Variants in USP3 observed in about 807,000 individuals in gnomAD.
USP3 encodes ubiquitin carboxyl-terminal hydrolase 3.
A neutral mutation model predicts 72.3 loss-of-function variants in USP3; 20 were observed. The observed-to-expected ratio is 0.28, with a 90% CI of 0.19 to 0.40. The LOEUF (loss-of-function observed/expected upper bound fraction) is 0.40, where lower values mean the gene tolerates loss of function less well. USP3 is among the 10% of genes least tolerant of loss of function. The pLI, the probability that USP3 is intolerant of heterozygous loss-of-function variation, is 1.00. For synonymous variants in USP3, 222 were observed against 225.3 expected (o/e 0.99, Z 0.13); for missense variants, 479 against 633.9 (o/e 0.76, Z 2.62).
intron 8 of USP3, among the ~76,000 whole-genome samples, chr15:63,563,584 A>G (rs1206546096): frequency 1.3e-5 from 2 of 152,180 alleles, no homozygotes; most frequent in Non-Finnish European, 2.9e-5. Flanking sequence ...TAGCTGTCAG[A>G]GGAATCCTGC....
At chr15:63,504,897 A>T in intron 1 of USP3, 67 bp downstream of exon 1, 1 of 1,228,320 alleles carries the variant, frequency 8.1e-7, no homozygotes, top group Non-Finnish European at 1.0e-6. Flanking sequence ...CCTGCCGTCT[A>T]GGGGCCGCAG....
At chr15:63,517,610 A>AT (rs1186385414) in intron 1 of USP3, among the ~76,000 whole-genome samples, 1 of 152,158 alleles carries the variant, frequency 6.6e-6, no homozygotes, top group Non-Finnish European at 1.5e-5. Context: ...GAAGACACTC[A>AT]TATCTGTGCT....
Position 63,541,191 on chromosome 15 carries a change from T to C in USP3, c.284+4035T>C, listed in dbSNP as rs556265991. ...AAGTATATTCCTTCAGGGCAGGTAA[T>C]GTTTTAAAGCATCCTTTCAAATGAA... On this transcript the variant is annotated intron_variant, in intron 3 of 14. Transcript: ENST00000380324. 4.7e-4 allele frequency among the ~76,000 whole-genome samples: 72 copies of C among 152,282 alleles called. No homozygotes were observed. The South Asian group carries it at 7.9e-3, about 17-fold the overall frequency.
At chr15:63,563,557 C>T (rs946144710) in intron 8 of USP3, among the ~76,000 whole-genome samples, 7 of 151,600 alleles carry the variant, frequency 4.6e-5, no homozygotes, top group African/African-American at 1.7e-4. Flanking sequence ...GAGCAAAATA[C>T]ACCTCTGCTG....
intron 11 of USP3, among the ~76,000 whole-genome samples, chr15:63,579,990 T>C (rs796737941): frequency 2.0e-5 from 3 of 152,292 alleles, no homozygotes; most frequent in African/African-American, 7.2e-5. Context: ...TTAATAGGCA[T>C]TTCCTTAGAC....
In USP3 at chr15:63,562,922, A is replaced by C; in HGVS notation, c.675A>C (p.Thr225=). 1 of 1,612,156 alleles carries C rather than the reference A, an allele frequency of 6.2e-7. No homozygotes were observed. Residue 225 remains threonine (T), a synonymous_variant, in exon 8 of 15, where the codon ACA becomes ACC. Transcript: ENST00000380324. ...CTTTGGTAGAAGAGTTTAGAAAGAC[A>C]CTCTGTGCTTTATGGCAAGGCAGCC... is the stretch of plus-strand genomic sequence containing the variant. The part of the protein sequence containing the change: ...NVSLVEEFRK[T]LCALWQGSQT...
Position 63,528,347 on chromosome 15 carries a change from C to T in USP3, c.92-4300C>T, listed in dbSNP as rs2066016085. Among the ~76,000 whole-genome samples the T allele has an allele frequency of 6.6e-6, 1 of 152,184 alleles. No individual in the cohort carries two copies. The highest frequency in any genetic ancestry group is 2.1e-4 in the South Asian group (1 of 4,830). On this transcript the variant is annotated intron_variant, in intron 1 of 14. Coordinates refer to ENST00000380324, the MANE Select transcript of USP3 (RefSeq NM_006537.4). This position sits in a 1 kb window ranked among gnomAD's most constrained non-coding sequence, Gnocchi z 4.3. ...AATAAATTGCATGGCTTCCTTTTCC[C>T]TGACATCACCTTGAAGTGTAATTGG...
In USP3 at chr15:63,526,091, A is replaced by G. The variant is rs1475554394; in HGVS notation, c.92-6556A>G. 5.3e-5 allele frequency among the ~76,000 whole-genome samples: 8 copies of G among 152,336 alleles called. No individual in the cohort carries two copies. In the East Asian group the frequency reaches 1.5e-3, roughly 29 times the overall value. ...TAAATTTAATTTTTATTATAAAAGA[A>G]ATAATGCTGTTTGAAAAACTTTTAA... is the stretch of plus-strand genomic sequence containing the variant. On this transcript the variant is annotated intron_variant, in intron 1 of 14. Transcript: ENST00000380324.
intron 11 of USP3, among the ~76,000 whole-genome samples, chr15:63,584,448 C>T (rs775560184): frequency 1.2e-4 from 19 of 152,066 alleles, no homozygotes; most frequent in Non-Finnish European, 2.5e-4. Context: ...TTATTTTCTG[C>T]TTTTGTTTTT....
intron 1 of USP3, among the ~76,000 whole-genome samples, chr15:63,511,893 G>T (rs2065787402): frequency 6.8e-6 from 1 of 146,636 alleles, no homozygotes; most frequent in Non-Finnish European, 1.5e-5. Flanking sequence ...TTTTCCAATT[G>T]TATTTCCTGT....
intron 3 of USP3, among the ~76,000 whole-genome samples, chr15:63,541,898 T>G (rs1467828352): frequency 6.6e-6 from 1 of 152,148 alleles, no homozygotes; most frequent in African/African-American, 2.4e-5. Flanking sequence ...GGGTGTTTGT[T>G]GCATAAGAGG....
At position 63,574,274 on chromosome 15, in the gene USP3, G is replaced by T. The variant is rs751539854; in HGVS notation, c.1016-49G>T. On this transcript the variant is annotated intron_variant, in intron 10 of 14. Transcript: ENST00000380324. The surrounding 1 kb of genome is among the most constrained non-coding windows in gnomAD (Gnocchi z 4.6). The stretch of plus-strand genomic sequence containing the variant: ...TCAGTTTGTGAAATTATTTTGAATG[G>T]ACATATATGCCTTTAACAGCTCTCT... The T allele has an allele frequency of 4.7e-6, 7 of 1,490,990 alleles. No individual in the cohort carries two copies. The South Asian group carries it at 9.7e-5, about 21-fold the overall frequency. The allele number at this position is 1,490,990 out of a possible 1,614,324, so 92.4% of individuals were successfully genotyped here.
At chr15:63,552,467 A>G (rs1376881094) in intron 3 of USP3, among the ~76,000 whole-genome samples, 1 of 152,218 alleles carries the variant, frequency 6.6e-6, no homozygotes, top group Non-Finnish European at 1.5e-5. Context: ...ATAATAGAAA[A>G]TGGTCCAGGA....
At chr15:63,590,366 G>A (rs1274467944) in intron 14 of USP3, among the ~76,000 whole-genome samples, 2 of 152,056 alleles carry the variant, frequency 1.3e-5, no homozygotes, top group East Asian at 1.9e-4. Context: ...AGATTCTGAT[G>A]GGAAAACCTG....
chr15:63,535,362 G>A (rs1006234036), intron 2 of USP3, among the ~76,000 whole-genome samples: 1 of 152,180 alleles, frequency 6.6e-6, no homozygotes, highest in Admixed American at 6.5e-5. Context: ...ACAGAAAGAA[G>A]AATGCTAATA....
In USP3 at chr15:63,532,691, A is replaced by T. The variant is rs143426813; in HGVS notation, c.136A>T (p.Ser46Cys). Residue 46 changes from serine (S) to cysteine (C), a missense_variant, in exon 2 of 15, where the codon AGT becomes TGT. Ser to Cys is a moderately radical substitution (Grantham distance 112). Transcript: ENST00000380324. ...KSPWVCLTCS[S>C]VHCGRYVNGH... is the part of the protein sequence containing the mutation. ...CCCTTGGGTCTGTTTGACTTGTTCA[A>T]GTGTCCACTGTGGAAGGTAGGTGAC... 6.2e-7 allele frequency: 1 copy of T among 1,613,924 alleles called. No homozygotes were observed. The highest frequency in any genetic ancestry group is 8.5e-7 in the Non-Finnish European group (1 of 1,179,962).
chr15:63,560,880 C>T (rs1204478815), intron 7 of USP3, among the ~76,000 whole-genome samples: 2 of 152,200 alleles, frequency 1.3e-5, no homozygotes, highest in Non-Finnish European at 2.9e-5. Context: ...AATGTTTTCT[C>T]TGTCTGCCTC....
intron 6 of USP3, among the ~76,000 whole-genome samples, chr15:63,558,587 T>G (rs561353386): frequency 6.6e-6 from 1 of 151,288 alleles, no homozygotes; most frequent in African/African-American, 2.4e-5. Flanking sequence ...AACAACACTT[T>G]AGGGCCAGGT....
Position 63,562,982 on chromosome 15 carries a change from T to C in USP3, c.735T>C (p.Val245=), listed in dbSNP as rs1282260970. 3 of 1,611,948 alleles carry C rather than the reference T, an allele frequency of 1.9e-6. No homozygotes were observed. The South Asian group carries it at 3.3e-5, about 18-fold the overall frequency. The part of the protein sequence containing the change: ...TAFSPESLFY[V]VWKIMPNFRG... ...TTAGCCCAGAGTCCTTATTTTATGT[T>C]GTTTGGAAGATTATGCCAAACTTTA... The change falls in exon 8 of 15, where the codon GTT becomes GTC. Residue 245 remains valine, a synonymous_variant. Transcript: ENST00000380324.
Sources: gnomAD v4.1 joint callset for allele counts (sites outside exome capture counted in the v4.1 genomes callset) on GRCh38, gnomAD v4.1.1 for gene constraint, Gnocchi (gnomAD v3.1) non-coding constraint, MANE v1.5 for transcripts, NCBI Gene and HGNC (gene_info 2026-07-23, HGNC 2026-07-21) for gene names.